Variants in LIMCH1 observed in about 807,000 individuals in gnomAD.
LIMCH1 encodes the protein LIM and calponin homology domains 1.
LIMCH1 carries 113 observed loss-of-function variants against 176.5 expected under a neutral mutation model. The ratio of observed to expected loss-of-function variants is 0.64; its 90% CI spans 0.55 to 0.75. The LOEUF is 0.75. LIMCH1 is among the 30% of genes least tolerant of loss of function. The pLI, the probability that LIMCH1 is intolerant of heterozygous loss-of-function variation, is 0.00. For synonymous variants in LIMCH1, 619 were observed against 645.9 expected (o/e 0.96, Z 0.63); for missense variants, 1,674 against 1,814.9 (o/e 0.92, Z 1.41).
chr4:41,531,582 C>T (rs1275170808), intron 3 of LIMCH1, among the ~76,000 whole-genome samples: 2 of 151,758 alleles, frequency 1.3e-5, no homozygotes, highest in African/African-American at 4.8e-5. Flanking sequence ...ATCTTTGAGC[C>T]TCACACTGTG....
intron 18 of LIMCH1, among the ~76,000 whole-genome samples, chr4:41,651,256 C>G (rs1260956358): frequency 6.6e-6 from 1 of 152,144 alleles, no homozygotes; most frequent in African/African-American, 2.4e-5. Flanking sequence ...CCACCCACCT[C>G]AGCCTCCCAA....
chr4:41,564,810 G>A (rs2082502220), intron 1 of LIMCH1, among the ~76,000 whole-genome samples: 2 of 152,156 alleles, frequency 1.3e-5, no homozygotes, highest in African/African-American at 4.8e-5. Context: ...TCGTGGAGGA[G>A]GTTTTCCCTG....
chr4:41,419,516 C>T (rs912817415), intron 1 of LIMCH1, among the ~76,000 whole-genome samples: 5 of 152,038 alleles, frequency 3.3e-5, no homozygotes, highest in African/African-American at 4.8e-5. Context: ...ACCCTTTCTC[C>T]TTGTGAAGCT....
chr4:41,641,874 G>A (rs1173801364), intron 14 of LIMCH1, among the ~76,000 whole-genome samples: 2 of 152,172 alleles, frequency 1.3e-5, no homozygotes, highest in Non-Finnish European at 1.5e-5. Context: ...GGGCAAACGA[G>A]TTTCTCCTTT....
At chr4:41,507,084 T>G (rs2074272036) in intron 2 of LIMCH1, among the ~76,000 whole-genome samples, 1 of 152,190 alleles carries the variant, frequency 6.6e-6, no homozygotes, top group Non-Finnish European at 1.5e-5. Context: ...CGTGTATTTA[T>G]GGATTTATTC....
At chr4:41,632,688 C>T (rs908711530) in intron 10 of LIMCH1, 61 bp from the exon 11 acceptor site, 4 of 1,351,862 alleles carry the variant, frequency 3.0e-6, no homozygotes, top group Non-Finnish European at 3.1e-6. Context: ...CTTTCACTGT[C>T]TTCTTTCGTA....
At chr4:41,670,586 T>C (rs927703803) in intron 21 of LIMCH1, 5 of 589,898 alleles carry the variant, frequency 8.5e-6, no homozygotes, top group African/African-American at 1.9e-5. Context: ...TTTTGTACTG[T>C]AGATTTACTG....
chr4:41,361,219 C>G (rs1580985476), intron 1 of LIMCH1, among the ~76,000 whole-genome samples: 1 of 152,226 alleles, frequency 6.6e-6, no homozygotes, highest in Non-Finnish European at 1.5e-5. Flanking sequence ...GCCCGCTGGC[C>G]TCGCAAATCT....
In LIMCH1 at chr4:41,696,737, A is replaced by G. The variant is rs188433113; in HGVS notation, c.4379-423A>G. On this transcript the variant is annotated intron_variant, in intron 31 of 31. Coordinates refer to ENST00000503057, the MANE Select transcript of LIMCH1 (RefSeq NM_001330672.2). The stretch of plus-strand genomic sequence containing the variant: ...AATCTAATTTCTAGATCATATGTCA[A>G]ATTCCTCATATTACAATGTACTTAT... 1.4e-4 allele frequency among the ~76,000 whole-genome samples: 21 copies of G among 152,318 alleles called. No individual in the cohort carries two copies. The East Asian group carries it at 3.7e-3, about 27-fold the overall frequency.
intron 1 of LIMCH1, among the ~76,000 whole-genome samples, chr4:41,365,672 G>C (rs529341881): frequency 2.0e-5 from 3 of 152,326 alleles, no homozygotes; most frequent in Non-Finnish European, 4.4e-5. Flanking sequence ...AGGAGTAGTG[G>C]TCTGAATAGA....
chr4:41,498,970 G>A (rs1348588403), intron 2 of LIMCH1, among the ~76,000 whole-genome samples: 1 of 152,012 alleles, frequency 6.6e-6, no homozygotes, highest in East Asian at 1.9e-4. Context: ...TCTATATGTG[G>A]CTCACAAAGC....
intron 1 of LIMCH1, among the ~76,000 whole-genome samples, chr4:41,572,195 A>AT (rs2083666351): frequency 6.6e-6 from 1 of 152,188 alleles, no homozygotes; most frequent in Non-Finnish European, 1.5e-5. Context: ...ATGTAACACA[A>AT]TTAACAACAT....
At chr4:41,547,863 G>GTATACATA (rs2079774954) in intron 1 of LIMCH1, among the ~76,000 whole-genome samples, 1 of 93,220 alleles carries the variant, frequency 1.1e-5, no homozygotes, top group East Asian at 3.3e-4. Context: ...TTGTGTGTGT[G>GTATACATA]TATATATATA....
chr4:41,399,495 C>T (rs1480756333), intron 1 of LIMCH1, among the ~76,000 whole-genome samples: 3 of 152,074 alleles, frequency 2.0e-5, no homozygotes, highest in African/African-American at 7.2e-5. Context: ...GAAGATCTTA[C>T]ACATGTAACT....
intron 1 of LIMCH1, among the ~76,000 whole-genome samples, chr4:41,583,873 T>G (rs1169233235): frequency 2.6e-5 from 4 of 152,164 alleles, no homozygotes; most frequent in Non-Finnish European, 5.9e-5. Flanking sequence ...TCAAGAGGAC[T>G]TTTCCCCAGC....
At chr4:41,377,345 A>G (rs1456283409) in intron 1 of LIMCH1, among the ~76,000 whole-genome samples, 1 of 152,200 alleles carries the variant, frequency 6.6e-6, no homozygotes, top group Non-Finnish European at 1.5e-5. Context: ...AAATGGTTTT[A>G]AAGTCTCCAC....
intron 20 of LIMCH1, among the ~76,000 whole-genome samples, chr4:41,664,074 C>G (rs1452338904): frequency 6.6e-6 from 1 of 151,900 alleles, no homozygotes; most frequent in African/African-American, 2.4e-5. Flanking sequence ...AAGCCCATTC[C>G]AGACCAAATA....
At chr4:41,516,200 T>C (rs73142573) in intron 2 of LIMCH1, among the ~76,000 whole-genome samples, 6,358 of 152,164 alleles carry the variant, frequency 0.042, 445 homozygotes, top group African/African-American at 0.14. Context: ...TTGGGCTTGA[T>C]TACCAGGTGA....
At chr4:41,663,468 T>C (rs2094704136) in intron 20 of LIMCH1, among the ~76,000 whole-genome samples, 1 of 152,206 alleles carries the variant, frequency 6.6e-6, no homozygotes, top group African/African-American at 2.4e-5. Flanking sequence ...GTCAGCTTAC[T>C]GGCTAGTCTC....
Sources: gnomAD v4.1 joint callset for allele counts (sites outside exome capture counted in the v4.1 genomes callset) on GRCh38, gnomAD v4.1.1 for gene constraint, MANE v1.5 for transcripts, NCBI Gene and HGNC (gene_info 2026-07-23, HGNC 2026-07-21) for gene names.